PAXIP1: variants seen among roughly 807,000 people sequenced by gnomAD.
PAXIP1 encodes PAX interacting protein 1, also known as PAX-interacting protein 1.
A neutral mutation model predicts 140.6 loss-of-function variants in PAXIP1; 19 were observed. The ratio of observed to expected loss-of-function variants is 0.14; its 90% CI spans 0.09 to 0.20. PAXIP1 has a LOEUF of 0.20. Ranked by LOEUF, PAXIP1 falls within the 10% of genes least tolerant of loss-of-function variation. PAXIP1 has a pLI of 1.00. For missense variants in PAXIP1, 920 were observed against 1,208.6 expected (o/e 0.76, Z 3.54); for synonymous variants, 442 against 444.6 (o/e 0.99, Z 0.07).
rs552697844 is a variant in PAXIP1, at chr7:154,993,915, T to C, written c.217-146A>G. 5.6e-5 allele frequency: 35 copies of C among 627,224 alleles called. No individual in the cohort carries two copies. In the East Asian group the frequency reaches 9.9e-4, roughly 18 times the overall value. The allele number at this position is 627,224 out of a possible 1,614,324, so 38.9% of individuals were successfully genotyped here. A position where few individuals can be genotyped will look rare whatever the true frequency, so the allele number is the denominator to read the frequency against. On this transcript the variant is annotated intron_variant, in intron 2 of 20. Coordinates refer to ENST00000404141, the MANE Select transcript of PAXIP1 (RefSeq NM_007349.4). The stretch of plus-strand genomic sequence containing the variant: ...ACAAGTATGAATATTCAAATAGAAA[T>C]ATTATAGTCAAAGATTAGTTACTAA...
At chr7:154,948,203 A>G in intron 16 of PAXIP1, 200 bp from the exon 17 acceptor site, 2 of 552,522 alleles carry the variant, frequency 3.6e-6, no homozygotes, top group South Asian at 4.4e-5. Flanking sequence ...ACAGACAGGT[A>G]TTTTTTCTCC....
chr7:154,968,292 T>C, intron 7 of PAXIP1, 111 bp downstream of exon 7: 1 of 832,354 alleles, frequency 1.2e-6, no homozygotes, highest in Non-Finnish European at 1.9e-6. Flanking sequence ...CACTCTCCAT[T>C]TTGTAGTAAT....
Position 154,998,709 on chromosome 7 carries a change from C to T in PAXIP1, c.157G>A (p.Asp53Asn), listed in dbSNP as rs978244728. The T allele has an allele frequency of 1.9e-6, 3 of 1,613,554 alleles. No individual in the cohort carries two copies. Among genetic ancestry groups the T allele is most frequent in the East Asian group, 2.2e-5 (1 of 44,872 alleles). Residue 53 changes from aspartate (D) to asparagine (N), a missense_variant, in exon 2 of 21, where the codon GAT becomes AAT. Coordinates refer to ENST00000404141, the MANE Select transcript of PAXIP1 (RefSeq NM_007349.4). ...TCTCCCACCTCTGGATTGTCCCCATCCTCTGAGATTATGTGTGAGGCTAGT... is the reference window on the plus strand; with the variant it reads ...TCTCCCACCTCTGGATTGTCCCCATTCTCTGAGATTATGTGTGAGGCTAGT... Reference protein sequence around the residue: ...NALASHIISEDGDNPEVGEAR... With the variant: ...NALASHIISENGDNPEVGEAR...
chr7:154,977,786 T>C (rs1809653712), intron 5 of PAXIP1, among the ~76,000 whole-genome samples: 1 of 152,192 alleles, frequency 6.6e-6, no homozygotes, highest in African/African-American at 2.4e-5. Flanking sequence ...GGAAAAAACA[T>C]ATAGTCATAG....
rs549405907 is a variant in PAXIP1 at position 154,988,507 on chromosome 7, CTAA to C, written c.324+2496_324+2498del. On this transcript the variant is annotated intron_variant, in intron 4 of 20. Transcript: ENST00000404141. ...ACATAACTATTAGTTCTTTGGAAGA[CTAA>C]TAATATTCTTTTGTGCTAAACTCAT... is the stretch of plus-strand genomic sequence containing the variant. Among the ~76,000 whole-genome samples the C allele has an allele frequency of 3.3e-4, 51 of 152,294 alleles. 1 individual carries two copies. In the East Asian group the frequency reaches 5.0e-3, roughly 15 times the overall value.
Position 154,973,843 on chromosome 7 carries a change from A to G in PAXIP1, c.1074+1853T>C, listed in dbSNP as rs1328334003. On this transcript the variant is annotated intron_variant, in intron 6 of 20. Transcript: ENST00000404141. This position sits in a 1 kb window ranked among gnomAD's most constrained non-coding sequence, Gnocchi z 4.0. ...GGATCCGGCTTCAGGTTGTTCCTAT[A>G]TGCTACAGAGCCATTTTTCTGGGAC... Among the ~76,000 whole-genome samples the G allele has an allele frequency of 6.6e-6, 1 of 152,190 alleles. No individual in the cohort carries two copies. Among genetic ancestry groups the G allele is most frequent in the Non-Finnish European group, 1.5e-5 (1 of 68,036 alleles).
intron 7 of PAXIP1, 76 bp downstream of exon 7, chr7:154,968,327 A>T: frequency 8.0e-7 from 1 of 1,251,694 alleles, no homozygotes; most frequent in Admixed American, 2.6e-5. Context: ...TCCTCACCCC[A>T]CACTCAAACA....
At chr7:154,984,856 T>C (rs1372487775) in intron 4 of PAXIP1, among the ~76,000 whole-genome samples, 2 of 152,216 alleles carry the variant, frequency 1.3e-5, no homozygotes, top group Admixed American at 1.3e-4. Context: ...TTAAGTATTA[T>C]TTTATTTTAC....
intron 6 of PAXIP1, 123 bp from the exon 7 acceptor site, chr7:154,969,249 A>G: frequency 9.8e-7 from 1 of 1,024,502 alleles, no homozygotes; most frequent in Non-Finnish European, 1.3e-6. Flanking sequence ...AGACACAGCA[A>G]ATGATTGGAA....
At chr7:154,972,721 G>A (rs910733988) in intron 6 of PAXIP1, among the ~76,000 whole-genome samples, 10 of 152,120 alleles carry the variant, frequency 6.6e-5, no homozygotes, top group Admixed American at 2.6e-4. Context: ...AGATCTTTAC[G>A]GCCCATATCT....
intron 6 of PAXIP1, among the ~76,000 whole-genome samples, chr7:154,969,406 C>A (rs542184879): frequency 6.6e-6 from 1 of 152,234 alleles, no homozygotes. Context: ...AAGACTCAGA[C>A]GGCTGATGTG....
intron 8 of PAXIP1, among the ~76,000 whole-genome samples, chr7:154,966,260 C>A (rs1809014034): frequency 6.6e-6 from 1 of 152,196 alleles, no homozygotes; most frequent in South Asian, 2.1e-4. Context: ...GCGCACTGCA[C>A]TGGAGGCTCC....
intron 8 of PAXIP1, chr7:154,964,296 G>A (rs1808901877): frequency 6.5e-6 from 1 of 153,622 alleles, no homozygotes; most frequent in Non-Finnish European, 1.4e-5. Flanking sequence ...GTTTTCTGGG[G>A]GAAGGAATTG....
chr7:154,953,047 C>T (rs1387542170), intron 16 of PAXIP1, among the ~76,000 whole-genome samples: 1 of 152,150 alleles, frequency 6.6e-6, no homozygotes, highest in Non-Finnish European at 1.5e-5. Context: ...TATTTAAAAT[C>T]TGTGGCCAAA....
At chr7:154,962,247 T>C in intron 10 of PAXIP1, 74 bp downstream of exon 10, 1 of 1,539,696 alleles carries the variant, frequency 6.5e-7, no homozygotes, top group Non-Finnish European at 8.9e-7. Context: ...GAGCCTCAGG[T>C]AAGCACTAGC....
chr7:154,959,982 A>T (rs1466661771), intron 12 of PAXIP1, 49 bp from the exon 13 acceptor site: 2 of 1,251,694 alleles, frequency 1.6e-6, no homozygotes, highest in Non-Finnish European at 2.3e-6. Context: ...TTGTTTAAAT[A>T]AAAAGGCCTT....
At position 154,958,235 on chromosome 7, in the gene PAXIP1, G is replaced by A. The variant is rs567171787; in HGVS notation, c.2479-941C>T. ...ATGCCAAGCACAAAGAGAGCAGGAA[G>A]GAGATGGGATTCCCTTGTGGGGTCC... On this transcript the variant is annotated intron_variant, in intron 13 of 20. Coordinates refer to ENST00000404141, the MANE Select transcript of PAXIP1 (RefSeq NM_007349.4). 3.3e-5 allele frequency among the ~76,000 whole-genome samples: 5 copies of A among 152,290 alleles called. No individual in the cohort carries two copies. In the East Asian group the frequency reaches 9.7e-4, roughly 29 times the overall value.
intron 6 of PAXIP1, among the ~76,000 whole-genome samples, chr7:154,970,612 T>G (rs11243326): frequency 0.58 from 88,752 of 152,114 alleles, 26,041 homozygotes; most frequent in Admixed American, 0.66. Flanking sequence ...GAAAAGAAGA[T>G]GGGACAATTC....
intron 2 of PAXIP1, among the ~76,000 whole-genome samples, chr7:154,994,969 G>T (rs1810505510): frequency 6.6e-6 from 1 of 151,926 alleles, no homozygotes; most frequent in African/African-American, 2.4e-5. Flanking sequence ...TAAAAAAATG[G>T]GCCAGCATCA....
Sources: gnomAD v4.1 joint callset for allele counts (sites outside exome capture counted in the v4.1 genomes callset) on GRCh38, gnomAD v4.1.1 for gene constraint, Gnocchi (gnomAD v3.1) non-coding constraint, MANE v1.5 for transcripts, NCBI Gene and HGNC (gene_info 2026-07-23, HGNC 2026-07-21) for gene names.